The following STAG2 variants were observed in gnomAD, a reference collection of about 807,000 sequenced individuals.
STAG2 encodes the protein cohesin subunit SA-2.
STAG2 carries 14 observed loss-of-function variants against 108.1 expected under a neutral mutation model. The observed-to-expected ratio is 0.13, with a 90% CI of 0.09 to 0.20. STAG2 has a LOEUF of 0.20. Among genes scored for constraint, STAG2 ranks in the 10% least tolerant of loss-of-function variants. The probability of loss-of-function intolerance (pLI) is 1.00; values close to 1 mark genes in which losing one functional copy is unlikely to be tolerated. For missense variants in STAG2, 440 were observed against 940.9 expected, an observed-to-expected ratio of 0.47 and a Z score of 6.96; for synonymous variants, 307 against 302.7, an observed-to-expected ratio of 1.01 and a Z score of -0.15.
intron 1 of STAG2, among the ~76,000 whole-genome samples, chrX:123,970,767 A>T (rs2054317980): frequency 1.8e-5 from 2 of 112,337 alleles, no homozygotes; most frequent in Non-Finnish European, 3.8e-5. Flanking sequence ...ACAGTGACTA[A>T]CATGAACAAG....
At chrX:123,982,925 A>G (rs1186729211) in intron 1 of STAG2, among the ~76,000 whole-genome samples, 1 of 110,964 alleles carries the variant, frequency 9.0e-6, no homozygotes, top group Non-Finnish European at 1.9e-5. Flanking sequence ...GCTGTCAGTC[A>G]GCATGAACAT....
intron 1 of STAG2, among the ~76,000 whole-genome samples, chrX:123,990,318 C>G (rs993613824): frequency 9.0e-6 from 1 of 111,654 alleles, no homozygotes; most frequent in Admixed American, 9.5e-5. Context: ...AAGTTACGCT[C>G]CTATGCAAAC....
chrX:124,068,524 A>G (rs758317424), intron 23 of STAG2, 40 bp from the exon 24 acceptor site: 1 of 958,387 alleles, frequency 1.0e-6, no homozygotes, highest in Non-Finnish European at 1.5e-6. Context: ...TGAATTGTTT[A>G]TACAATATTT....
chrX:123,978,955 G>GC (rs1439642863), intron 1 of STAG2, among the ~76,000 whole-genome samples: 1 of 111,393 alleles, frequency 9.0e-6, no homozygotes, highest in Non-Finnish European at 1.9e-5. Flanking sequence ...GGCATGGTAG[G>GC]CCCCCCAGAT....
chrX:123,970,705 T>C (rs1002642434), intron 1 of STAG2, among the ~76,000 whole-genome samples: 4 of 111,922 alleles, frequency 3.6e-5, no homozygotes, highest in African/African-American at 1.3e-4. Flanking sequence ...TAAGAAGGAA[T>C]ATTGTGGGAG....
chrX:124,087,369 A>G (rs1323340898), intron 30 of STAG2, among the ~76,000 whole-genome samples: 1 of 112,049 alleles, frequency 8.9e-6, no homozygotes, highest in Non-Finnish European at 1.9e-5. Context: ...AAATTAGCAT[A>G]GTTGTCAAAA....
chrX:123,968,925 G>A (rs1200955086), intron 1 of STAG2, among the ~76,000 whole-genome samples: 1 of 111,677 alleles, frequency 9.0e-6, no homozygotes, highest in Middle Eastern at 4.2e-3. Flanking sequence ...CAAGTCACAT[G>A]GATTCACACT....
intron 1 of STAG2, among the ~76,000 whole-genome samples, chrX:123,994,256 T>C (rs760344812): frequency 7.2e-5 from 8 of 111,290 alleles, no homozygotes; most frequent in Non-Finnish European, 1.5e-4. Flanking sequence ...GGAGAACTAA[T>C]CCAGTCTCAC....
chrX:124,000,219 A>T (rs1210142488), intron 1 of STAG2, among the ~76,000 whole-genome samples: 1 of 111,259 alleles, frequency 9.0e-6, no homozygotes, highest in Non-Finnish European at 1.9e-5. Flanking sequence ...TGCATTTCTC[A>T]TGTGTTTGTG....
chrX:124,082,176 C>T (rs1473355291), intron 28 of STAG2, among the ~76,000 whole-genome samples: 1 of 111,535 alleles, frequency 9.0e-6, no homozygotes, highest in African/African-American at 3.3e-5. Flanking sequence ...GGTTTGATTC[C>T]TTTGTCTCAA....
intron 25 of STAG2, among the ~76,000 whole-genome samples, chrX:124,073,194 G>A (rs2058716510): frequency 9.0e-6 from 1 of 111,365 alleles, no homozygotes; most frequent in South Asian, 3.7e-4. Flanking sequence ...TTTATAAAAC[G>A]TCTTTTTTTA....
intron 1 of STAG2, among the ~76,000 whole-genome samples, chrX:123,987,194 G>T (rs1210665900): frequency 9.2e-6 from 1 of 109,272 alleles, no homozygotes; most frequent in East Asian, 2.9e-4. Context: ...GTTTCACCAT[G>T]TTGGTCAGGC....
At chrX:124,038,149 T>G (rs906697942) in intron 6 of STAG2, among the ~76,000 whole-genome samples, 6 of 112,468 alleles carry the variant, frequency 5.3e-5, no homozygotes, top group African/African-American at 1.9e-4. Flanking sequence ...TCACTTTATT[T>G]TAAAAATATT....
At chrX:124,067,507 C>T (rs894872497) in intron 23 of STAG2, among the ~76,000 whole-genome samples, 2 of 110,576 alleles carry the variant, frequency 1.8e-5, no homozygotes, top group Non-Finnish European at 3.8e-5. Context: ...TCAACTGATC[C>T]GCGCATTTTG....
In STAG2 at chrX:124,022,539, T is replaced by A; in HGVS notation, c.-89T>A. On this transcript the variant is annotated 5_prime_UTR_variant, in exon 3 of 35. Transcript: ENST00000371145. The stretch of plus-strand genomic sequence containing the variant: ...TTTTCTCCTTTTTAAAGGAATTGTC[T>A]TAGAAGAAAGAAGGCAAGCCACCAT... The A allele has an allele frequency of 1.4e-6, 1 of 727,231 alleles. No individual in the cohort carries two copies. Among genetic ancestry groups the A allele is most frequent in the South Asian group, 2.6e-5 (1 of 38,923 alleles). The allele number at this position is 727,231 out of a possible 1,213,427, so 59.9% of individuals were successfully genotyped here. A position where few individuals can be genotyped will look rare whatever the true frequency, so the allele number is the denominator to read the frequency against.
At chrX:123,988,674 T>A (rs1218767116) in intron 1 of STAG2, among the ~76,000 whole-genome samples, 1 of 111,954 alleles carries the variant, frequency 8.9e-6, no homozygotes, top group Non-Finnish European at 1.9e-5. Flanking sequence ...TAAAAAAGAC[T>A]GGTTGAGGTG....
chrX:124,092,596 A>G (rs778636998), intron 32 of STAG2, among the ~76,000 whole-genome samples: 4 of 112,447 alleles, frequency 3.6e-5, no homozygotes, highest in African/African-American at 9.7e-5. Context: ...CAGTTAAATG[A>G]CTATTACCAA....
chrX:124,071,052 G>T (rs2058652370), intron 24 of STAG2, 97 bp from the exon 25 acceptor site: 1 of 644,215 alleles, frequency 1.6e-6, no homozygotes, highest in Non-Finnish European at 2.1e-6. Context: ...TAGAAAGTTG[G>T]ATTCTGTTTC....
intron 1 of STAG2, among the ~76,000 whole-genome samples, chrX:123,990,606 TTAATAC>T (rs1210804485): frequency 1.1e-4 from 12 of 111,990 alleles, no homozygotes; most frequent in Middle Eastern, 4.6e-3. Flanking sequence ...GTCCACAGTC[TTAATAC>T]AGAAGGTAGC....
Sources: allele counts gnomAD v4.1 joint callset (sites outside exome capture counted in the v4.1 genomes callset), GRCh38; gene constraint gnomAD v4.1.1; transcripts MANE v1.5; gene names NCBI Gene and HGNC (gene_info 2026-07-23, HGNC 2026-07-21).